LRRC74A: variants seen among roughly 807,000 people sequenced by gnomAD.
The protein encoded by LRRC74A is leucine-rich repeat-containing protein 74A.
Under a neutral mutation model 57.9 loss-of-function variants are expected in LRRC74A, and 44 were observed. The observed-to-expected ratio is 0.76, with a 90% confidence interval of 0.60 to 0.98. The LOEUF (loss-of-function observed/expected upper bound fraction) is 0.98. Ranked by LOEUF, LRRC74A falls within the 50% of genes least tolerant of loss-of-function variation. The pLI is 0.00. For missense variants in LRRC74A, 572 were observed against 574.0 expected, an observed-to-expected ratio of 1.00 and a Z score of 0.04; for synonymous variants, 211 against 219.4, an observed-to-expected ratio of 0.96 and a Z score of 0.34.
At position 76,860,826 on chromosome 14, in the gene LRRC74A, T is replaced by A; in HGVS notation, c.1187T>A (p.Met396Lys). The A allele has an allele frequency of 1.2e-6, 2 of 1,607,530 alleles. No individual in the cohort carries two copies. Among genetic ancestry groups the A allele is most frequent in the Non-Finnish European group, 1.7e-6 (2 of 1,176,018 alleles). Residue 396 changes from methionine to lysine, a missense_variant, in exon 11 of 14, where the codon ATG becomes AAG. Physicochemically the swap from Met to Lys is moderately conservative, Grantham distance 95. Coordinates refer to ENST00000689127, the MANE Select transcript of LRRC74A (RefSeq NM_001385106.1). The part of the protein sequence containing the change: ...KKTIFLLTNP[M>K]KLIQSYADQH... Reference sequence around the variant, plus strand: ...ACCATCTTCTTGTTGACAAACCCCATGAAACTGATCCAGGTGAGCTCCTGC... The same window carrying A: ...ACCATCTTCTTGTTGACAAACCCCAAGAAACTGATCCAGGTGAGCTCCTGC...
intron 5 of LRRC74A, among the ~76,000 whole-genome samples, chr14:76,843,600 T>A (rs1190139022): frequency 6.6e-6 from 1 of 152,158 alleles, no homozygotes; most frequent in Non-Finnish European, 1.5e-5. Flanking sequence ...GAAAAGGCAA[T>A]GTTAAAAGAG....
intron 3 of LRRC74A, among the ~76,000 whole-genome samples, 181 bp from the exon 4 acceptor site, chr14:76,836,026 C>A (rs1024867685): frequency 6.6e-6 from 1 of 152,252 alleles, no homozygotes; most frequent in African/African-American, 2.4e-5. Flanking sequence ...AGCGTATTGT[C>A]CTAGCAAAAC....
chr14:76,837,846 A>C, intron 4 of LRRC74A, 29 bp from the exon 5 acceptor site: 1,475 of 1,370,580 alleles, frequency 1.1e-3, no homozygotes, highest in Non-Finnish European at 1.4e-3. Flanking sequence ...GAGCTTTTTT[A>C]CATACCGAAG....
intron 11 of LRRC74A, among the ~76,000 whole-genome samples, chr14:76,862,593 G>A (rs1898403947): frequency 6.6e-6 from 1 of 152,178 alleles, no homozygotes; most frequent in African/African-American, 2.4e-5. Context: ...GGCAGAAAAT[G>A]TAGTCAGAAT....
At chr14:76,833,256 C>T (rs1364186927) in intron 3 of LRRC74A, among the ~76,000 whole-genome samples, 1 of 152,040 alleles carries the variant, frequency 6.6e-6, no homozygotes, top group Non-Finnish European at 1.5e-5. Context: ...CATGTCTATT[C>T]AGTTATGAAA....
intron 9 of LRRC74A, among the ~76,000 whole-genome samples, chr14:76,856,828 ATGAGAGG>A (rs1288597994): frequency 2.7e-5 from 4 of 150,914 alleles, no homozygotes; most frequent in Non-Finnish European, 5.9e-5. Context: ...GCATGGATGG[ATGAGAGG>A]TGGATGGATG....
intron 7 of LRRC74A, among the ~76,000 whole-genome samples, chr14:76,848,437 C>T (rs1897247661): frequency 1.3e-5 from 2 of 150,356 alleles, no homozygotes; most frequent in South Asian, 2.1e-4. Flanking sequence ...GGCATGGTGG[C>T]ACATGCCTAT....
intron 5 of LRRC74A, among the ~76,000 whole-genome samples, chr14:76,839,646 A>G (rs1896613813): frequency 6.6e-6 from 1 of 152,156 alleles, no homozygotes; most frequent in Non-Finnish European, 1.5e-5. Context: ...TCAGAAGCTC[A>G]CTTCCACTTC....
In LRRC74A at chr14:76,838,119, C is replaced by T. The variant is rs1896497108; in HGVS notation, c.544+148C>T. 2.5e-5 allele frequency: 14 copies of T among 554,840 alleles called. No individual in the cohort carries two copies. In the South Asian group the frequency reaches 3.7e-4, roughly 14 times the overall value. The allele number at this position is 554,840 out of a possible 1,614,324, so 34.4% of individuals were successfully genotyped here. Reference sequence around the variant, plus strand: ...CTGCATCTATGCCTGCTAAACCCTCCCAGTCACACTCCCCTAGCCCCCGCC... The same window carrying T: ...CTGCATCTATGCCTGCTAAACCCTCTCAGTCACACTCCCCTAGCCCCCGCC... On this transcript the variant is annotated intron_variant, in intron 5 of 13. Transcript: ENST00000689127.
chr14:76,856,988 TGG>T (rs1897940378), intron 9 of LRRC74A, among the ~76,000 whole-genome samples: 1 of 149,664 alleles, frequency 6.7e-6, no homozygotes, highest in South Asian at 2.1e-4. Context: ...GATGGATGGA[TGG>T]ATGGATGGAT....
intron 7 of LRRC74A, among the ~76,000 whole-genome samples, chr14:76,846,112 C>A (rs796535488): frequency 6.6e-6 from 1 of 152,134 alleles, no homozygotes; most frequent in Non-Finnish European, 1.5e-5. Flanking sequence ...GATAAAAGAT[C>A]CTTAGCTCAA....
At chr14:76,862,227 C>T (rs1194606024) in intron 11 of LRRC74A, among the ~76,000 whole-genome samples, 3 of 152,186 alleles carry the variant, frequency 2.0e-5, no homozygotes, top group Non-Finnish European at 4.4e-5. Flanking sequence ...TGACGACCCA[C>T]AGAACATAGA....
rs552079131 is a variant in LRRC74A at position 76,865,884 on chromosome 14, C to T, written c.1201-84C>T. On this transcript the variant is annotated intron_variant, in intron 11 of 13. Transcript: ENST00000689127. ...CCTTGTTAGGCCTGGAAGCATGGGC[C>T]GCTCTTTTGTGGGAGGGAAGGGGGA... is the stretch of plus-strand genomic sequence containing the variant. 93 of 1,072,472 alleles carry T rather than the reference C, an allele frequency of 8.7e-5. No individual in the cohort carries two copies. The Admixed American group carries it at 1.2e-3, about 14-fold the overall frequency. The allele number at this position is 1,072,472 out of a possible 1,614,324, so 66.4% of individuals were successfully genotyped here. A position where few individuals can be genotyped will look rare whatever the true frequency, so the allele number is the denominator to read the frequency against.
At chr14:76,841,385 T>C (rs1259966069) in intron 5 of LRRC74A, among the ~76,000 whole-genome samples, 1 of 152,250 alleles carries the variant, frequency 6.6e-6, no homozygotes, top group Non-Finnish European at 1.5e-5. Flanking sequence ...CTACCCCTTT[T>C]TTCAAAGTAA....
intron 10 of LRRC74A, among the ~76,000 whole-genome samples, chr14:76,859,534 CAA>C (rs562270049): frequency 5.5e-5 from 5 of 91,512 alleles, no homozygotes; most frequent in African/African-American, 8.2e-5. Flanking sequence ...AACTCCATCT[CAA>C]AAAAAAAAAA....
At chr14:76,831,956 C>T (rs1022478734) in intron 3 of LRRC74A, among the ~76,000 whole-genome samples, 3 of 152,190 alleles carry the variant, frequency 2.0e-5, no homozygotes, top group Non-Finnish European at 4.4e-5. Flanking sequence ...ACAAAACTGA[C>T]TCCCATCACA....
At chr14:76,848,280 A>G (rs575204845) in intron 7 of LRRC74A, among the ~76,000 whole-genome samples, 94 of 149,304 alleles carry the variant, frequency 6.3e-4, no homozygotes, top group Non-Finnish European at 1.0e-3. Flanking sequence ...AAAGTATGAT[A>G]AAAAAATAAA....
intron 5 of LRRC74A, among the ~76,000 whole-genome samples, chr14:76,841,685 A>ACCT (rs1355665198): frequency 2.9e-4 from 44 of 150,074 alleles, no homozygotes; most frequent in African/African-American, 9.0e-4. Flanking sequence ...CTACTCCTTC[A>ACCT]GGTATTTTTA....
At chr14:76,834,506 C>T (rs886149403) in intron 3 of LRRC74A, among the ~76,000 whole-genome samples, 1 of 152,138 alleles carries the variant, frequency 6.6e-6, no homozygotes, top group Non-Finnish European at 1.5e-5. Context: ...TTTCCCTGGC[C>T]TAGATTAGGA....
Sources: allele counts gnomAD v4.1 joint callset (sites outside exome capture counted in the v4.1 genomes callset), GRCh38; gene constraint gnomAD v4.1.1; transcripts MANE v1.5; gene names NCBI Gene and HGNC (gene_info 2026-07-23, HGNC 2026-07-21).